Variants in TMEM178B observed in about 807,000 individuals in gnomAD.
TMEM178B encodes transmembrane protein 178B.
In TMEM178B, 5 loss-of-function variants were observed where a neutral mutation model predicts 31.0. The observed-to-expected ratio is 0.16, with a 90% confidence interval of 0.08 to 0.34. TMEM178B has a LOEUF of 0.34. TMEM178B is among the 10% of genes least tolerant of loss of function. The pLI is 1.00. For synonymous variants in TMEM178B, 164 were observed against 164.0 expected, an observed-to-expected ratio of 1.00 and a Z score of 0.00; for missense variants, 275 against 400.3, an observed-to-expected ratio of 0.69 and a Z score of 2.67.
At chr7:141,126,883 GTGTGTGTGTA>G (rs1204710576) in intron 1 of TMEM178B, among the ~76,000 whole-genome samples, 2 of 151,822 alleles carry the variant, frequency 1.3e-5, no homozygotes, top group African/African-American at 4.9e-5. Context: ...GTGTGTGTGT[GTGTGTGTGTA>G]TGTGTGTTGA....
chr7:141,408,492 C>A (rs1800925226), intron 2 of TMEM178B, among the ~76,000 whole-genome samples: 3 of 152,282 alleles, frequency 2.0e-5, no homozygotes, highest in African/African-American at 7.2e-5. Context: ...ACCAGTTTCC[C>A]AGAGTGGCAG....
intron 2 of TMEM178B, among the ~76,000 whole-genome samples, chr7:141,363,274 G>A (rs1268870232): frequency 1.3e-5 from 2 of 152,168 alleles, no homozygotes; most frequent in Non-Finnish European, 1.5e-5. Flanking sequence ...TTAGGATCTT[G>A]CTGTTGAGAG....
At chr7:141,296,819 T>G (rs1798642974) in intron 2 of TMEM178B, among the ~76,000 whole-genome samples, 1 of 152,192 alleles carries the variant, frequency 6.6e-6, no homozygotes, top group Admixed American at 6.5e-5. Context: ...TTTTATTCTC[T>G]TCTTTTAAGA....
At chr7:141,441,628 C>G (rs1801660966) in intron 3 of TMEM178B, among the ~76,000 whole-genome samples, 1 of 152,106 alleles carries the variant, frequency 6.6e-6, no homozygotes, top group African/African-American at 2.4e-5. Context: ...GCAGGTACAG[C>G]AGGAAGAGGC....
intron 2 of TMEM178B, among the ~76,000 whole-genome samples, chr7:141,223,193 TAGAG>T (rs1797283040): frequency 1.3e-5 from 2 of 152,190 alleles, no homozygotes; most frequent in East Asian, 3.9e-4. Context: ...ATGTTGGACA[TAGAG>T]AGAAAGGAGG....
chr7:141,215,337 A>ATTATTATTATTATTATTTTTTTTTTT (rs55726735), intron 2 of TMEM178B, among the ~76,000 whole-genome samples: 1 of 141,556 alleles, frequency 7.1e-6, no homozygotes, highest in Admixed American at 7.3e-5. Context: ...TATTATTATT[A>ATTATTATTATTATTATTTTTTTTTTT]TTTTTTGAGA....
At chr7:141,271,868 C>T (rs780005659) in intron 2 of TMEM178B, among the ~76,000 whole-genome samples, 3 of 152,180 alleles carry the variant, frequency 2.0e-5, no homozygotes, top group Non-Finnish European at 2.9e-5. Flanking sequence ...AATGGCAGCT[C>T]AGAAAGGTCA....
intron 3 of TMEM178B, among the ~76,000 whole-genome samples, chr7:141,444,264 G>A (rs2116692765): frequency 6.6e-6 from 1 of 152,220 alleles, no homozygotes; most frequent in South Asian, 2.1e-4. Context: ...AACTTTGTCT[G>A]CTTTCATGAA....
At chr7:141,178,826 T>C (rs1166721748) in intron 1 of TMEM178B, among the ~76,000 whole-genome samples, 2 of 152,192 alleles carry the variant, frequency 1.3e-5, no homozygotes, top group South Asian at 2.1e-4. Flanking sequence ...CTGGTTATAA[T>C]TTTCCGTGGC....
chr7:141,395,787 A>G (rs551015442), intron 2 of TMEM178B, among the ~76,000 whole-genome samples: 2 of 152,224 alleles, frequency 1.3e-5, no homozygotes, highest in East Asian at 1.9e-4. Flanking sequence ...AAGGATGGGC[A>G]TGGGGGTTGG....
At chr7:141,258,318 A>C (rs1466682110) in intron 2 of TMEM178B, among the ~76,000 whole-genome samples, 1 of 152,084 alleles carries the variant, frequency 6.6e-6, no homozygotes, top group Non-Finnish European at 1.5e-5. Flanking sequence ...AAATACACTA[A>C]CACTAGCAAT....
chr7:141,364,070 T>C (rs1799962188), intron 2 of TMEM178B, among the ~76,000 whole-genome samples: 1 of 152,188 alleles, frequency 6.6e-6, no homozygotes, highest in Non-Finnish European at 1.5e-5. Context: ...CCCATGAATG[T>C]ATCTATACTA....
intron 2 of TMEM178B, among the ~76,000 whole-genome samples, chr7:141,240,836 CT>C (rs1198202678): frequency 6.6e-6 from 1 of 152,076 alleles, no homozygotes; most frequent in African/African-American, 2.4e-5. Flanking sequence ...TTTCCTCCTC[CT>C]TGTGATTTGG....
chr7:141,418,797 T>C (rs934795043), intron 2 of TMEM178B, among the ~76,000 whole-genome samples: 1 of 152,240 alleles, frequency 6.6e-6, no homozygotes, highest in Non-Finnish European at 1.5e-5. Context: ...GCTAGACTTG[T>C]ACAGCCAGTG....
chr7:141,321,041 C>T (rs954003643), intron 2 of TMEM178B, among the ~76,000 whole-genome samples: 1 of 152,168 alleles, frequency 6.6e-6, no homozygotes, highest in Non-Finnish European at 1.5e-5. Context: ...CCATTCACGG[C>T]CACTGGTGGG....
intron 3 of TMEM178B, among the ~76,000 whole-genome samples, chr7:141,465,607 C>T (rs985035607): frequency 1.5e-4 from 23 of 152,290 alleles, no homozygotes. Flanking sequence ...AATGGCACCG[C>T]GTTATTCATT....
chr7:141,364,516 C>T (rs1431088433), intron 2 of TMEM178B, among the ~76,000 whole-genome samples: 7 of 151,778 alleles, frequency 4.6e-5, no homozygotes, highest in South Asian at 4.2e-4. Context: ...AAAAATTAGC[C>T]GGGCATGGTG....
intron 2 of TMEM178B, among the ~76,000 whole-genome samples, chr7:141,277,069 A>C (rs1161833044): frequency 6.6e-6 from 1 of 152,344 alleles, no homozygotes; most frequent in South Asian, 2.1e-4. Context: ...ATTACTATAC[A>C]CTGTTGTAGA....
chr7:141,360,145 T>A (rs1415421760), intron 2 of TMEM178B, among the ~76,000 whole-genome samples: 1 of 152,208 alleles, frequency 6.6e-6, no homozygotes, highest in African/African-American at 2.4e-5. Flanking sequence ...ATTTATTTCA[T>A]AAATTTAGCT....
Sources: allele counts gnomAD v4.1 joint callset (sites outside exome capture counted in the v4.1 genomes callset), GRCh38; gene constraint gnomAD v4.1.1; transcripts MANE v1.5; gene names NCBI Gene and HGNC (gene_info 2026-07-23, HGNC 2026-07-21).